Variants in SLC7A11 observed in about 807,000 individuals in gnomAD.
The protein encoded by SLC7A11 is cystine/glutamate transporter.
Under a neutral mutation model 54.5 loss-of-function variants are expected in SLC7A11, and 35 were observed. The ratio of observed to expected loss-of-function variants is 0.64; its 90% CI spans 0.49 to 0.85. The LOEUF (loss-of-function observed/expected upper bound fraction) is 0.85. Ranked by LOEUF, SLC7A11 falls within the 40% of genes least tolerant of loss-of-function variation. The probability of loss-of-function intolerance (pLI) is 0.00; values close to 1 mark genes in which losing one functional copy is unlikely to be tolerated. For missense variants in SLC7A11, 583 were observed against 618.1 expected, an observed-to-expected ratio of 0.94 and a Z score of 0.60; for synonymous variants, 230 against 225.2, an observed-to-expected ratio of 1.02 and a Z score of -0.19.
At chr4:138,209,463 T>G (rs1226728595) in intron 6 of SLC7A11, among the ~76,000 whole-genome samples, 1 of 151,980 alleles carries the variant, frequency 6.6e-6, no homozygotes, top group Non-Finnish European at 1.5e-5. Flanking sequence ...TCCACATAAT[T>G]TTACCATCTG....
At chr4:138,179,194 C>G in intron 11 of SLC7A11, 23 bp downstream of exon 11, 1 of 1,522,654 alleles carries the variant, frequency 6.6e-7, no homozygotes. Context: ...GCACAATGTC[C>G]TGAAAGTATT....
chr4:138,229,908 T>C (rs1327897774), intron 3 of SLC7A11, among the ~76,000 whole-genome samples: 3 of 152,172 alleles, frequency 2.0e-5, no homozygotes, highest in Non-Finnish European at 4.4e-5. Context: ...CTCTCAAAAA[T>C]GCCACCCCTG....
intron 3 of SLC7A11, among the ~76,000 whole-genome samples, chr4:138,228,632 G>A (rs1397304661): frequency 2.0e-5 from 3 of 151,590 alleles, no homozygotes; most frequent in Non-Finnish European, 4.4e-5. Context: ...GATGGTGGGC[G>A]CCTGTAGTCC....
chr4:138,184,597 G>A (rs183259677), intron 7 of SLC7A11, among the ~76,000 whole-genome samples: 89 of 152,092 alleles, frequency 5.9e-4, no homozygotes, highest in African/African-American at 2.0e-3. Context: ...TAACAACATC[G>A]GTTTAACTTT....
intron 6 of SLC7A11, among the ~76,000 whole-genome samples, chr4:138,202,748 G>A (rs956465853): frequency 4.6e-5 from 7 of 152,072 alleles, no homozygotes; most frequent in African/African-American, 1.7e-4. Context: ...CAGAGGCTCA[G>A]AGAGGACAAA....
intron 2 of SLC7A11, among the ~76,000 whole-genome samples, chr4:138,234,265 T>C (rs1463420404): frequency 6.6e-6 from 1 of 152,196 alleles, no homozygotes; most frequent in East Asian, 1.9e-4. Flanking sequence ...AGATAGATAA[T>C]ATTTCTGTCC....
chr4:138,206,402 G>T (rs1040988282), intron 6 of SLC7A11, among the ~76,000 whole-genome samples: 1 of 134,268 alleles, frequency 7.4e-6, no homozygotes, highest in African/African-American at 2.7e-5. Flanking sequence ...TATATATATA[G>T]CCTCAAAAGA....
intron 5 of SLC7A11, among the ~76,000 whole-genome samples, chr4:138,215,307 A>G (rs1737654853): frequency 1.3e-5 from 2 of 152,204 alleles, no homozygotes; most frequent in South Asian, 2.1e-4. Flanking sequence ...CCTTTTACAT[A>G]GGTATGCAGG....
chr4:138,229,197 T>C (rs1455128452), intron 3 of SLC7A11, among the ~76,000 whole-genome samples: 2 of 152,210 alleles, frequency 1.3e-5, no homozygotes, highest in Non-Finnish European at 2.9e-5. Flanking sequence ...TTCTACATCT[T>C]GGTTAACCTT....
chr4:138,236,216 A>G, intron 2 of SLC7A11, 109 bp downstream of exon 2: 2 of 843,524 alleles, frequency 2.4e-6, no homozygotes, highest in Non-Finnish European at 3.7e-6. Flanking sequence ...AGACATGTTT[A>G]TCATGTAGTC....
intron 6 of SLC7A11, among the ~76,000 whole-genome samples, chr4:138,196,352 A>T (rs754959263): frequency 7.2e-5 from 11 of 152,246 alleles, no homozygotes; most frequent in Non-Finnish European, 1.2e-4. Flanking sequence ...AGGCCTCACT[A>T]ATCTAGAGAA....
Position 138,171,041 on chromosome 4 carries a change from CTTTG to C in SLC7A11, c.*911_*914del, listed in dbSNP as rs1736413081. On this transcript the variant is annotated 3_prime_UTR_variant, in exon 12 of 12. Coordinates refer to ENST00000280612, the MANE Select transcript of SLC7A11 (RefSeq NM_014331.4). ...ATGGGACTATTATTTTGAACATCTT[CTTTG>C]TTGGTGATTTCTCTCATGTTGATAA... 6.6e-6 allele frequency: 1 copy of C among 152,142 alleles called. No homozygotes were observed. Among genetic ancestry groups the C allele is most frequent in the Admixed American group, 6.5e-5 (1 of 15,292 alleles). The allele number at this position is 152,142 out of a possible 1,614,324, so 9.4% of individuals were successfully genotyped here.
intron 6 of SLC7A11, among the ~76,000 whole-genome samples, chr4:138,201,289 T>C (rs1737280144): frequency 6.6e-6 from 1 of 152,254 alleles, no homozygotes; most frequent in African/African-American, 2.4e-5. Flanking sequence ...TTGTATTTGA[T>C]CACTGCATTC....
Position 138,165,647 on chromosome 4 carries a change from A to T in SLC7A11, c.*6309T>A, listed in dbSNP as rs1736236749. On this transcript the variant is annotated 3_prime_UTR_variant, in exon 12 of 12. Transcript: ENST00000280612. ...ATTTGGAGCCAATGTCTGTATTCAA[A>T]ATAACCAAAATATATTTTAAAGCAA... 1 of 152,192 alleles carries T rather than the reference A, an allele frequency of 6.6e-6. No homozygotes were observed. Among genetic ancestry groups the T allele is most frequent in the Non-Finnish European group, 1.5e-5 (1 of 68,028 alleles). The allele number at this position is 152,192 out of a possible 1,614,324, so 9.4% of individuals were successfully genotyped here.
At chr4:138,212,473 C>A (rs1322216021) in intron 6 of SLC7A11, among the ~76,000 whole-genome samples, 1 of 151,370 alleles carries the variant, frequency 6.6e-6, no homozygotes, top group Admixed American at 6.6e-5. Context: ...ATTATTATTT[C>A]CATTTTTTAG....
chr4:138,221,174 T>C (rs1262733319), intron 4 of SLC7A11, among the ~76,000 whole-genome samples: 3 of 152,088 alleles, frequency 2.0e-5, no homozygotes, highest in Non-Finnish European at 4.4e-5. Flanking sequence ...AAAGACTGGG[T>C]CACAAGCAAA....
At chr4:138,187,854 T>TA (rs142030547) in intron 6 of SLC7A11, among the ~76,000 whole-genome samples, 3,254 of 152,142 alleles carry the variant, frequency 0.021, 90 homozygotes, top group African/African-American at 0.063. Context: ...TAAATTTCCC[T>TA]AAAAAAACTT....
rs550868142 is a variant in SLC7A11 at position 138,209,892 on chromosome 4, A to C, written c.791+4693T>G. Among the ~76,000 whole-genome samples the C allele has an allele frequency of 6.4e-4, 98 of 152,198 alleles. 1 individual carries two copies. Among genetic ancestry groups the C allele is most frequent in the Admixed American group, 1.8e-3 (28 of 15,230 alleles). On this transcript the variant is annotated intron_variant, in intron 6 of 11. Coordinates refer to ENST00000280612, the MANE Select transcript of SLC7A11 (RefSeq NM_014331.4). ...ATTGTTCACATAATTAGATAAAACT[A>C]TTCTAAAATGCATATGAAACCAAAA...
chr4:138,200,594 A>G (rs1737253268), intron 6 of SLC7A11, among the ~76,000 whole-genome samples: 1 of 152,118 alleles, frequency 6.6e-6, no homozygotes. Context: ...CTATTCAACA[A>G]CACTAAGCAT....
Sources: allele counts gnomAD v4.1 joint callset (sites outside exome capture counted in the v4.1 genomes callset), GRCh38; gene constraint gnomAD v4.1.1; transcripts MANE v1.5; gene names NCBI Gene and HGNC (gene_info 2026-07-23, HGNC 2026-07-21).